The following UBAC2 variants were observed in gnomAD, a reference collection of about 807,000 sequenced individuals.
UBAC2 encodes the protein ubiquitin-associated domain-containing protein 2.
In UBAC2, 26 loss-of-function variants were observed where a neutral mutation model predicts 44.0. That is an observed-to-expected ratio of 0.59 (90% CI 0.43 to 0.82). The LOEUF (loss-of-function observed/expected upper bound fraction) is 0.82. Ranked by LOEUF, UBAC2 falls within the 40% of genes least tolerant of loss-of-function variation. The pLI, the probability that UBAC2 is intolerant of heterozygous loss-of-function variation, is 0.00. For missense variants in UBAC2, 329 were observed against 419.4 expected (o/e 0.78, Z 1.88); for synonymous variants, 155 against 154.3 (o/e 1.00, Z -0.04).
chr13:99,233,555 G>A (rs1474781774), intron 1 of UBAC2, among the ~76,000 whole-genome samples: 1 of 152,148 alleles, frequency 6.6e-6, no homozygotes, highest in Non-Finnish European at 1.5e-5. Flanking sequence ...CAGGCGTTGA[G>A]GGCCCTGGTT....
At chr13:99,268,462 G>C (rs2043771610) in intron 4 of UBAC2, among the ~76,000 whole-genome samples, 1 of 151,790 alleles carries the variant, frequency 6.6e-6, no homozygotes, top group Non-Finnish European at 1.5e-5. Context: ...CAAAAAATTA[G>C]CCAGGCGTGG....
At chr13:99,276,733 T>A (rs1216593222) in intron 4 of UBAC2, among the ~76,000 whole-genome samples, 1 of 152,236 alleles carries the variant, frequency 6.6e-6, no homozygotes, top group Non-Finnish European at 1.5e-5. Flanking sequence ...TCTGAGGCTA[T>A]CCAGGGGCTC....
chr13:99,368,392 T>A (rs764954115), intron 8 of UBAC2, among the ~76,000 whole-genome samples: 2 of 152,100 alleles, frequency 1.3e-5, no homozygotes, highest in East Asian at 1.9e-4. Flanking sequence ...CATAATCACA[T>A]TGAAGGAGGG....
rs138125059 is a variant in UBAC2, at chr13:99,377,987, A to T, written c.928-7241A>T. Reference sequence around the variant, plus strand: ...GCAGCTTCCCCTGCATTTTTATTTCACGGAAGCATGAACCTGGTTTTCTGT... The same window carrying T: ...GCAGCTTCCCCTGCATTTTTATTTCTCGGAAGCATGAACCTGGTTTTCTGT... On this transcript the variant is annotated intron_variant, in intron 8 of 8. Coordinates refer to ENST00000403766, the MANE Select transcript of UBAC2 (RefSeq NM_001144072.2). Among the ~76,000 whole-genome samples, 328 of 152,228 alleles carry T rather than the reference A, an allele frequency of 2.2e-3. 1 individual carries two copies. Among genetic ancestry groups the T allele is most frequent in the African/African-American group, 7.6e-3 (317 of 41,526 alleles).
chr13:99,299,447 A>G (rs895450447), intron 4 of UBAC2, among the ~76,000 whole-genome samples: 5 of 150,496 alleles, frequency 3.3e-5, no homozygotes, highest in African/African-American at 1.2e-4. Flanking sequence ...TAGGGAAGCA[A>G]ATACACACAC....
chr13:99,350,492 A>G (rs1279545193), intron 7 of UBAC2, among the ~76,000 whole-genome samples: 2 of 152,214 alleles, frequency 1.3e-5, no homozygotes, highest in Admixed American at 6.5e-5. Context: ...TGAAGCTTCC[A>G]TAAAACCCCC....
At chr13:99,231,724 C>T (rs1460170213) in intron 1 of UBAC2, among the ~76,000 whole-genome samples, 3 of 152,074 alleles carry the variant, frequency 2.0e-5, no homozygotes, top group Non-Finnish European at 4.4e-5. Flanking sequence ...TTTTTGTATA[C>T]TTTCATGTGT....
At chr13:99,219,753 A>C (rs2043034466) in intron 1 of UBAC2, among the ~76,000 whole-genome samples, 1 of 152,182 alleles carries the variant, frequency 6.6e-6, no homozygotes, top group South Asian at 2.1e-4. Flanking sequence ...ACAAACACTA[A>C]TCTGCTTTCA....
chr13:99,278,468 C>T (rs1383008961), intron 4 of UBAC2, among the ~76,000 whole-genome samples: 1 of 151,946 alleles, frequency 6.6e-6, no homozygotes, highest in African/African-American at 2.4e-5. Context: ...GTATTGTGGG[C>T]AAAGTTAGCA....
At chr13:99,209,881 G>A (rs1174865420) in intron 1 of UBAC2, among the ~76,000 whole-genome samples, 1 of 152,100 alleles carries the variant, frequency 6.6e-6, no homozygotes, top group Admixed American at 6.5e-5. Context: ...GCTGAGGCAG[G>A]GAGAATCAGT....
rs1293448729 is a variant in UBAC2, at chr13:99,349,735, A to G, written c.807+9170A>G. Among the ~76,000 whole-genome samples, 5 of 152,296 alleles carry G rather than the reference A, an allele frequency of 3.3e-5. No homozygotes were observed. In the South Asian group the frequency reaches 1.0e-3, roughly 32 times the overall value. On this transcript the variant is annotated intron_variant, in intron 7 of 8. Transcript: ENST00000403766. ...ACTATTTCTTCTACTGCTATCTACT[A>G]CGAACTTCAAAGAGGAACCAGGAGT...
chr13:99,379,100 A>C (rs187343199), intron 8 of UBAC2, among the ~76,000 whole-genome samples: 1 of 152,240 alleles, frequency 6.6e-6, no homozygotes, highest in East Asian at 1.9e-4. Flanking sequence ...CCCTAGTTAA[A>C]CATGCCTTTT....
chr13:99,371,855 A>G (rs1440797299), intron 8 of UBAC2, among the ~76,000 whole-genome samples: 1 of 152,250 alleles, frequency 6.6e-6, no homozygotes, highest in African/African-American at 2.4e-5. Flanking sequence ...AGAATATTCT[A>G]AGAAGAATGT....
chr13:99,228,044 CT>C (rs2043130504), intron 1 of UBAC2, among the ~76,000 whole-genome samples: 1 of 152,120 alleles, frequency 6.6e-6, no homozygotes, highest in Admixed American at 6.6e-5. Context: ...AGATGGGTGA[CT>C]TTTTTGAGTC....
intron 8 of UBAC2, among the ~76,000 whole-genome samples, chr13:99,374,918 G>A (rs1197006971): frequency 6.6e-6 from 1 of 152,216 alleles, no homozygotes; most frequent in Non-Finnish European, 1.5e-5. Context: ...GGTGTGGCCA[G>A]TAAACTTCCC....
intron 7 of UBAC2, among the ~76,000 whole-genome samples, chr13:99,357,150 G>T (rs748638687): frequency 1.3e-5 from 2 of 152,158 alleles, no homozygotes; most frequent in African/African-American, 2.4e-5. Flanking sequence ...AACTACCATT[G>T]TGTTACAGCT....
intron 6 of UBAC2, among the ~76,000 whole-genome samples, chr13:99,323,094 C>A (rs1418785571): frequency 6.6e-6 from 1 of 151,988 alleles, no homozygotes; most frequent in Non-Finnish European, 1.5e-5. Flanking sequence ...CTCTGCGCCG[C>A]CTTTGCTTGT....
At chr13:99,358,723 T>G (rs2045223922) in intron 7 of UBAC2, among the ~76,000 whole-genome samples, 4 of 151,938 alleles carry the variant, frequency 2.6e-5, no homozygotes, top group Admixed American at 2.0e-4. Context: ...AGAGTGAGGG[T>G]GGAGACAGTG....
intron 4 of UBAC2, among the ~76,000 whole-genome samples, chr13:99,313,549 A>C (rs752117916): frequency 1.3e-5 from 2 of 152,154 alleles, no homozygotes; most frequent in African/African-American, 4.8e-5. Flanking sequence ...ATGAGAGAGC[A>C]AGAAGAAAAG....
Sources: allele counts gnomAD v4.1 joint callset (sites outside exome capture counted in the v4.1 genomes callset), GRCh38; gene constraint gnomAD v4.1.1; transcripts MANE v1.5; gene names NCBI Gene and HGNC (gene_info 2026-07-23, HGNC 2026-07-21).